FRS2: variants seen among roughly 807,000 people sequenced by gnomAD.
FRS2 encodes the protein FGFR signalling adaptor.
FRS2 carries 8 observed loss-of-function variants against 43.9 expected under a neutral mutation model. The ratio of observed to expected loss-of-function variants is 0.18; its 90% CI spans 0.11 to 0.33. The LOEUF (loss-of-function observed/expected upper bound fraction) is 0.33, where lower values mean the gene tolerates loss of function less well. Among genes scored for constraint, FRS2 ranks in the 10% least tolerant of loss-of-function variants. FRS2 has a pLI of 1.00. For synonymous variants in FRS2, 219 were observed against 220.3 expected (o/e 0.99, Z 0.05); for missense variants, 534 against 627.6 (o/e 0.85, Z 1.59).
At chr12:69,483,639 G>GT (rs1871548381) in intron 1 of FRS2, among the ~76,000 whole-genome samples, 1 of 151,532 alleles carries the variant, frequency 6.6e-6, no homozygotes. Flanking sequence ...AGTATTTTCC[G>GT]TGTCACCATC....
chr12:69,498,936 C>T (rs1190870609), intron 1 of FRS2, among the ~76,000 whole-genome samples: 1 of 152,150 alleles, frequency 6.6e-6, no homozygotes, highest in African/African-American at 2.4e-5. Context: ...ATGTTTATAA[C>T]AACTTTATGA....
intron 1 of FRS2, among the ~76,000 whole-genome samples, chr12:69,498,794 A>T (rs1415394302): frequency 6.6e-6 from 1 of 152,196 alleles, no homozygotes; most frequent in Non-Finnish European, 1.5e-5. Context: ...AGCCAAGCAC[A>T]TAAAGTCAGG....
chr12:69,565,162 A>T (rs531193009), intron 4 of FRS2, among the ~76,000 whole-genome samples: 45 of 152,352 alleles, frequency 3.0e-4, no homozygotes, highest in African/African-American at 8.4e-4. Context: ...ACTGAATACT[A>T]TAGGCAGTTG....
chr12:69,501,259 A>T (rs1287876387), intron 1 of FRS2, among the ~76,000 whole-genome samples: 2 of 152,162 alleles, frequency 1.3e-5, no homozygotes, highest in Admixed American at 6.5e-5. Context: ...GATATAAATA[A>T]ATACGTAGTG....
At chr12:69,485,641 C>T (rs1243635796) in intron 1 of FRS2, among the ~76,000 whole-genome samples, 5 of 151,832 alleles carry the variant, frequency 3.3e-5, no homozygotes, top group Admixed American at 6.6e-5. Flanking sequence ...CGCTTTCATG[C>T]CCGGCTAATC....
chr12:69,574,029 G>A lies in FRS2; in HGVS notation c.601G>A (p.Gly201Ser). The A allele has an allele frequency of 6.2e-7, 1 of 1,613,132 alleles. No homozygotes were observed. Among genetic ancestry groups the A allele is most frequent in the Non-Finnish European group, 8.5e-7 (1 of 1,179,600 alleles). ...EQVHTYVNTTGVQEERKNRTS... is the reference protein window; with the variant it reads ...EQVHTYVNTTSVQEERKNRTS... Reference sequence around the variant, plus strand: ...GGTACATACCTATGTCAACACTACAGGTGTGCAAGAAGAGCGGAAAAACCG... The same window carrying A: ...GGTACATACCTATGTCAACACTACAAGTGTGCAAGAAGAGCGGAAAAACCG... The change falls in exon 9 of 9, where the codon GGT becomes AGT. Residue 201 changes from glycine to serine, a missense_variant. Physicochemically the swap from Gly to Ser is moderately conservative, Grantham distance 56. Coordinates refer to ENST00000549921, the MANE Select transcript of FRS2 (RefSeq NM_001278356.2).
At chr12:69,476,111 TGGA>T (rs1471494410) in intron 1 of FRS2, among the ~76,000 whole-genome samples, 2 of 152,204 alleles carry the variant, frequency 1.3e-5, no homozygotes, top group Non-Finnish European at 2.9e-5. Context: ...TCTGAGGGAT[TGGA>T]GGAGACTATT....
intron 4 of FRS2, among the ~76,000 whole-genome samples, chr12:69,565,044 C>T (rs1011142039): frequency 2.6e-5 from 4 of 152,182 alleles, no homozygotes; most frequent in African/African-American, 9.7e-5. Context: ...ACTGCGCAAA[C>T]GTCATAGAGT....
intron 3 of FRS2, among the ~76,000 whole-genome samples, chr12:69,561,731 A>ACAGT (rs1181630886): frequency 6.6e-6 from 1 of 152,148 alleles, no homozygotes; most frequent in Admixed American, 6.5e-5. Flanking sequence ...GATTTTGAAG[A>ACAGT]CAGTCAGCTC....
At chr12:69,571,472 G>A in intron 7 of FRS2, 38 bp downstream of exon 7, 1 of 1,518,438 alleles carries the variant, frequency 6.6e-7, no homozygotes, top group South Asian at 1.1e-5. Flanking sequence ...TTGAATAACA[G>A]ACGTTTAGTT....
Position 69,477,963 on chromosome 12 carries a change from A to C in FRS2, c.-261+7433A>C, listed in dbSNP as rs150210658. On this transcript the variant is annotated intron_variant, in intron 1 of 8. Transcript: ENST00000549921. Reference sequence around the variant, plus strand: ...TCACCATGTTAGCCAGGATGGTCTCAATCTCCTGACCTTGTGATCCGCCCA... The same window carrying C: ...TCACCATGTTAGCCAGGATGGTCTCCATCTCCTGACCTTGTGATCCGCCCA... 6.0e-5 allele frequency among the ~76,000 whole-genome samples: 9 copies of C among 150,902 alleles called. No homozygotes were observed. The South Asian group carries it at 6.3e-4, about 11-fold the overall frequency.
At chr12:69,503,932 G>C (rs377252438) in intron 1 of FRS2, among the ~76,000 whole-genome samples, 3 of 152,014 alleles carry the variant, frequency 2.0e-5, no homozygotes, top group Non-Finnish European at 4.4e-5. Flanking sequence ...GGCTGGGCCC[G>C]GTGGCTCATG....
At chr12:69,499,046 T>G (rs890226082) in intron 1 of FRS2, among the ~76,000 whole-genome samples, 1 of 152,174 alleles carries the variant, frequency 6.6e-6, no homozygotes, top group African/African-American at 2.4e-5. Context: ...GAAATATTAC[T>G]TGAGCAGTTT....
In FRS2 at chr12:69,495,547, G is replaced by A. The variant is rs118110337; in HGVS notation, c.-261+25017G>A. 3.4e-4 allele frequency among the ~76,000 whole-genome samples: 52 copies of A among 152,246 alleles called. 1 individual carries two copies. In the East Asian group the frequency reaches 8.5e-3, roughly 25 times the overall value. ...CTACATGATAAACACAGTCTAGATC[G>A]TTTGGGTGGGTAGTTCTCTAGAATG... On this transcript the variant is annotated intron_variant, in intron 1 of 8. Transcript: ENST00000549921.
In FRS2 at chr12:69,564,542, A is replaced by G. The variant is rs1263830656; in HGVS notation, c.-27+2268A>G. Reference sequence around the variant, plus strand: ...GTATCTCAGGTAATAGACCCCTGGCACCCTTTGTCTGCCATGCTGGAAACT... The same window carrying G: ...GTATCTCAGGTAATAGACCCCTGGCGCCCTTTGTCTGCCATGCTGGAAACT... On this transcript the variant is annotated intron_variant, in intron 4 of 8. Coordinates refer to ENST00000549921, the MANE Select transcript of FRS2 (RefSeq NM_001278356.2). Among the ~76,000 whole-genome samples the G allele has an allele frequency of 3.3e-5, 5 of 151,954 alleles. No individual in the cohort carries two copies. In the East Asian group the frequency reaches 9.6e-4, roughly 29 times the overall value.
At chr12:69,480,332 A>G (rs1871245245) in intron 1 of FRS2, 5 of 152,218 alleles carry the variant, frequency 3.3e-5, no homozygotes, top group African/African-American at 1.2e-4. Context: ...TTCTGCCTCT[A>G]CAAATTTGAC....
intron 3 of FRS2, among the ~76,000 whole-genome samples, chr12:69,541,492 T>A (rs990305956): frequency 2.0e-5 from 3 of 152,100 alleles, no homozygotes; most frequent in Admixed American, 6.5e-5. Flanking sequence ...ATTAATATTA[T>A]TAGGCCCAGT....
intron 3 of FRS2, among the ~76,000 whole-genome samples, chr12:69,555,518 T>C (rs79083822): frequency 4.0e-4 from 61 of 152,328 alleles, no homozygotes; most frequent in African/African-American, 1.5e-3. Flanking sequence ...GGGGGAATGT[T>C]ACAAAACGTA....
chr12:69,546,345 C>G (rs1878405518), intron 3 of FRS2, among the ~76,000 whole-genome samples: 2 of 151,372 alleles, frequency 1.3e-5, no homozygotes, highest in African/African-American at 4.9e-5. Flanking sequence ...GCAACCTCCC[C>G]CTCCCAGATT....
Sources: allele counts gnomAD v4.1 joint callset (sites outside exome capture counted in the v4.1 genomes callset), GRCh38; gene constraint gnomAD v4.1.1; transcripts MANE v1.5; gene names NCBI Gene and HGNC (gene_info 2026-07-23, HGNC 2026-07-21).